TOGARAM2: variants seen among roughly 807,000 people sequenced by gnomAD.
TOGARAM2 encodes the protein TOG array regulator of axonemal microtubules protein 2.
A neutral mutation model predicts 93.3 loss-of-function variants in TOGARAM2; 85 were observed. That is an observed-to-expected ratio of 0.91 (90% confidence interval 0.76 to 1.09). TOGARAM2 has a LOEUF of 1.09. TOGARAM2 is among the 50% of genes least tolerant of loss of function. The pLI is 0.00. For missense variants in TOGARAM2, 1,277 were observed against 1,334.5 expected, an observed-to-expected ratio of 0.96 and a Z score of 0.67; for synonymous variants, 593 against 552.8, an observed-to-expected ratio of 1.07 and a Z score of -1.02.
chr2:28,998,065 G>A lies in TOGARAM2; in HGVS notation c.29-78G>A. ...GCGGGGTGGAGTGCTCAGGGTTACG[G>A]CCGGGTGTTCTTGGTTTGCTCCCAG... On this transcript the variant is annotated intron_variant, in intron 2 of 19. Coordinates refer to ENST00000379558, the MANE Select transcript of TOGARAM2 (RefSeq NM_199280.4). The A allele has an allele frequency of 5.9e-6, 6 of 1,013,320 alleles. No homozygotes were observed. The South Asian group carries it at 1.0e-4, about 17-fold the overall frequency. 62.8% of individuals were successfully genotyped at this position (1,013,320 alleles called of 1,614,324 possible). A position where few individuals can be genotyped will look rare whatever the true frequency, so the allele number is the denominator to read the frequency against.
rs189317688 is a variant in TOGARAM2, at chr2:28,994,583, A to G, written c.-110-142A>G. The stretch of plus-strand genomic sequence containing the variant: ...GGGAACTGAAACATTTGTGAGTCCA[A>G]TGTCAGAAAAATGGCATCCTTTGGT... On this transcript the variant is annotated intron_variant, in intron 1 of 19. Coordinates refer to ENST00000379558, the MANE Select transcript of TOGARAM2 (RefSeq NM_199280.4). 195 of 409,492 alleles carry G rather than the reference A, an allele frequency of 4.8e-4. 1 individual carries two copies. The highest frequency in any genetic ancestry group is 3.1e-3 in the African/African-American group (156 of 49,734). The allele number at this position is 409,492 out of a possible 1,614,324, so 25.4% of individuals were successfully genotyped here.
chr2:29,003,362 C>G, intron 5 of TOGARAM2, 130 bp from the exon 6 acceptor site: 1 of 688,936 alleles, frequency 1.5e-6, no homozygotes, highest in Non-Finnish European at 2.2e-6. Flanking sequence ...AGCAGTCAGG[C>G]TTCTGGGGGT....
upstream of TOGARAM2, among the ~76,000 whole-genome samples, chr2:28,979,154 C>T (rs1402016074): frequency 6.6e-6 from 1 of 152,102 alleles, no homozygotes; most frequent in East Asian, 1.9e-4. Context: ...CTCCTGGCTC[C>T]CCCAGAGGCC....
Position 28,994,753 on chromosome 2 carries a change from C to T in TOGARAM2, c.-82C>T. The T allele has an allele frequency of 6.8e-7, 1 of 1,463,922 alleles. No individual in the cohort carries two copies. Among genetic ancestry groups the T allele is most frequent in the South Asian group, 1.2e-5 (1 of 82,150 alleles). The allele number at this position is 1,463,922 out of a possible 1,614,324, so 90.7% of individuals were successfully genotyped here. A position where few individuals can be genotyped will look rare whatever the true frequency, so the allele number is the denominator to read the frequency against. The stretch of plus-strand genomic sequence containing the variant: ...CCGGATGTTACAGGTCAGAGCCCTC[C>T]AGACCCCCAAGGACTGTACTCACTG... On this transcript the variant is annotated 5_prime_UTR_variant, in exon 2 of 20. It introduces an in-frame stop codon into an upstream open reading frame of the 5' UTR. Coordinates refer to ENST00000379558, the MANE Select transcript of TOGARAM2 (RefSeq NM_199280.4).
chr2:29,045,548 T>A (rs1369887038), intron 19 of TOGARAM2, 138 bp downstream of exon 19: 1 of 746,582 alleles, frequency 1.3e-6, no homozygotes. Flanking sequence ...AAAATCTGCT[T>A]TTTTTGTGTG....
Position 29,005,343 on chromosome 2 carries a change from GTGCA to G in TOGARAM2, c.830+1664_830+1667del, listed in dbSNP as rs1370644205. ...TGCATGTGTGTGTGAGACCGTGTGTGTGCATGTGTGGAGCGTATGTGTGAGAACG... is the reference window on the plus strand; with the variant it reads ...TGCATGTGTGTGTGAGACCGTGTGTGTGTGTGGAGCGTATGTGTGAGAACG... On this transcript the variant is annotated intron_variant, in intron 6 of 19. Coordinates refer to ENST00000379558, the MANE Select transcript of TOGARAM2 (RefSeq NM_199280.4). 6.3e-4 allele frequency among the ~76,000 whole-genome samples: 9 copies of G among 14,280 alleles called. No homozygotes were observed. In the South Asian group the frequency reaches 8.3e-3, roughly 13 times the overall value. The allele number at this position is 14,280 out of a possible 152,430, so 9.4% of individuals were successfully genotyped here.
At chr2:28,967,653 G>A (rs1671885744) in intron 1 of TOGARAM2, among the ~76,000 whole-genome samples, 1 of 152,146 alleles carries the variant, frequency 6.6e-6, no homozygotes, top group Non-Finnish European at 1.5e-5. Flanking sequence ...AAAAAGCACT[G>A]ATTAGAGGGG....
intron 16 of TOGARAM2, 87 bp downstream of exon 16, chr2:29,033,650 G>C (rs1245864416): frequency 1.6e-6 from 2 of 1,273,446 alleles, no homozygotes; most frequent in Non-Finnish European, 2.2e-6. Context: ...GTGGCTCTGG[G>C]GTGGACATAT....
chr2:29,029,195 G>A (rs1212801494), intron 14 of TOGARAM2, among the ~76,000 whole-genome samples: 2 of 151,976 alleles, frequency 1.3e-5, no homozygotes, highest in East Asian at 3.9e-4. Flanking sequence ...TGCGAAAACA[G>A]CCCAAATGCC....
chr2:29,016,744 C>A (rs190181831), intron 8 of TOGARAM2, among the ~76,000 whole-genome samples: 86 of 152,280 alleles, frequency 5.6e-4, no homozygotes, highest in African/African-American at 1.9e-3. Context: ...CCAGTGTCCA[C>A]CCCCTGACTG....
intron 1 of TOGARAM2, among the ~76,000 whole-genome samples, chr2:28,986,112 C>CAAAAAAAA (rs34903095): frequency 3.2e-5 from 3 of 95,066 alleles, no homozygotes; most frequent in African/African-American, 1.3e-4. Flanking sequence ...AACTGTGTCT[C>CAAAAAAAA]AAAAAAAAAA....
intron 2 of TOGARAM2, among the ~76,000 whole-genome samples, chr2:28,996,281 TATACA>T (rs1040509723): frequency 2.3e-4 from 35 of 152,308 alleles, no homozygotes; most frequent in African/African-American, 7.7e-4. Context: ...TATTTTGAAT[TATACA>T]ATACATTATT....
intron 1 of TOGARAM2, among the ~76,000 whole-genome samples, chr2:28,959,906 A>G (rs1486762566): frequency 6.6e-6 from 1 of 152,234 alleles, no homozygotes; most frequent in Admixed American, 6.5e-5. Context: ...GCACTGACAT[A>G]AACCTGGGCG....
chr2:28,977,973 C>G (rs982385703), upstream of TOGARAM2, among the ~76,000 whole-genome samples: 7 of 152,074 alleles, frequency 4.6e-5, no homozygotes. Flanking sequence ...GTGGCACAAT[C>G]TCGACTCATT....
intron 1 of TOGARAM2, among the ~76,000 whole-genome samples, chr2:28,991,001 T>TGAA (rs1347362535): frequency 8.4e-6 from 1 of 118,588 alleles, no homozygotes; most frequent in African/African-American, 2.8e-5. Flanking sequence ...GGTGTGTGTG[T>TGAA]GTGTGTGTGT....
At chr2:29,011,601 T>A in intron 7 of TOGARAM2, 100 bp downstream of exon 7, 1 of 1,197,176 alleles carries the variant, frequency 8.4e-7, no homozygotes, top group Non-Finnish European at 1.2e-6. Context: ...ATCTGAGAGC[T>A]CTTGTGTCTG....
chr2:28,976,615 G>A (rs1176087148), upstream of TOGARAM2, among the ~76,000 whole-genome samples: 4 of 152,276 alleles, frequency 2.6e-5, no homozygotes, highest in Admixed American at 1.3e-4. Flanking sequence ...AAGCCCTGAA[G>A]GGCAGCTGGG....
At chr2:29,013,439 G>A (rs1283110383) in intron 7 of TOGARAM2, among the ~76,000 whole-genome samples, 23 of 152,178 alleles carry the variant, frequency 1.5e-4, no homozygotes, top group Admixed American at 1.4e-3. Flanking sequence ...CTGCAAGCTG[G>A]GGAAGAGAGA....
intron 6 of TOGARAM2, among the ~76,000 whole-genome samples, chr2:29,010,305 CG>C: frequency 6.6e-6 from 1 of 152,226 alleles, no homozygotes; most frequent in African/African-American, 2.4e-5. Flanking sequence ...GCCTAGTGGG[CG>C]AGCTCCCCAG....
Sources: allele counts gnomAD v4.1 joint callset (sites outside exome capture counted in the v4.1 genomes callset), GRCh38; gene constraint gnomAD v4.1.1; transcripts MANE v1.5; gene names NCBI Gene and HGNC (gene_info 2026-07-23, HGNC 2026-07-21).